CCDC146: variants seen among roughly 807,000 people sequenced by gnomAD.
CCDC146 encodes coiled-coil domain-containing protein 146.
In CCDC146, 92 loss-of-function variants were observed where a neutral mutation model predicts 119.3. The ratio of observed to expected loss-of-function variants is 0.77; its 90% CI spans 0.65 to 0.92. CCDC146 has a LOEUF of 0.92. Among genes scored for constraint, CCDC146 ranks in the 40% least tolerant of loss-of-function variants. CCDC146 has a pLI of 0.00. For missense variants in CCDC146, 1,000 were observed against 1,103.0 expected, an observed-to-expected ratio of 0.91 and a Z score of 1.32; for synonymous variants, 372 against 371.8, an observed-to-expected ratio of 1.00 and a Z score of -0.01.
chr7:77,172,336 C>T (rs957319888), intron 2 of CCDC146, among the ~76,000 whole-genome samples: 2 of 152,212 alleles, frequency 1.3e-5, no homozygotes, highest in African/African-American at 4.8e-5. Flanking sequence ...CCTACTTTGT[C>T]TTCCTTCAGT....
At chr7:77,131,151 G>A (rs1394443452) in intron 1 of CCDC146, among the ~76,000 whole-genome samples, 1 of 151,964 alleles carries the variant, frequency 6.6e-6, no homozygotes, top group Non-Finnish European at 1.5e-5. Context: ...CCAAGGCTGG[G>A]ATTACAGGCA....
At position 77,213,025 on chromosome 7, in the gene CCDC146, GT is replaced by G. The variant is rs1792219160; in HGVS notation, c.157-23917del. Among the ~76,000 whole-genome samples, 3 of 139,952 alleles carry G rather than the reference GT, an allele frequency of 2.1e-5. No individual in the cohort carries two copies. In the South Asian group the frequency reaches 6.6e-4, roughly 31 times the overall value. The allele number at this position is 139,952 out of a possible 152,430, so 91.8% of individuals were successfully genotyped here. ...AACTTTGTTTTTTGTTGTTGTTCAA[GT>G]TTTTATTAAATTTTTTATTGTCACA... On this transcript the variant is annotated intron_variant, in intron 2 of 18. Coordinates refer to ENST00000285871, the MANE Select transcript of CCDC146 (RefSeq NM_020879.3).
intron 2 of CCDC146, among the ~76,000 whole-genome samples, chr7:77,230,749 T>C (rs1237386553): frequency 6.6e-6 from 1 of 152,230 alleles, no homozygotes; most frequent in Non-Finnish European, 1.5e-5. Flanking sequence ...AGCTCCTGAA[T>C]ATGTTTTCAT....
intron 4 of CCDC146, among the ~76,000 whole-genome samples, chr7:77,247,381 A>G (rs1350640101): frequency 2.6e-5 from 4 of 152,248 alleles, no homozygotes; most frequent in African/African-American, 9.6e-5. Context: ...CAACCGAAAG[A>G]TAGTAGCACA....
At chr7:77,189,777 T>C (rs1791731731) in intron 2 of CCDC146, among the ~76,000 whole-genome samples, 1 of 152,184 alleles carries the variant, frequency 6.6e-6, no homozygotes, top group South Asian at 2.1e-4. Context: ...CACCTAATGT[T>C]CCCTTTGTTT....
At position 77,279,049 on chromosome 7, in the gene CCDC146, A is replaced by G. The variant is rs756531109; in HGVS notation, c.1642A>G (p.Met548Val). Reference sequence around the variant, plus strand: ...AAATGAAATAAAAGAAAGGCATAAAATGTCATTAAATGAACTTGAAATTCT... The same window carrying G: ...AAATGAAATAAAAGAAAGGCATAAAGTGTCATTAAATGAACTTGAAATTCT... ...KVNEIKERHK[M>V]SLNELEILRN... Residue 548 changes from methionine to valine, a missense_variant, in exon 13 of 19, where the codon ATG (methionine) becomes GTG (valine). Met to Val is a conservative substitution (Grantham distance 21). Coordinates refer to ENST00000285871, the MANE Select transcript of CCDC146 (RefSeq NM_020879.3). The G allele has an allele frequency of 6.2e-7, 1 of 1,608,120 alleles. No individual in the cohort carries two copies. Among genetic ancestry groups the G allele is most frequent in the East Asian group, 2.2e-5 (1 of 44,814 alleles).
rs191729640 is a variant in CCDC146, at chr7:77,222,817, C to T, written c.157-14130C>T. On this transcript the variant is annotated intron_variant, in intron 2 of 18. Transcript: ENST00000285871. ...CCACTCCAGGCCTTTACAGATGCAC[C>T]GGTGGTGGAGCCTCTGCCTAGGAAG... Among the ~76,000 whole-genome samples, 12 of 152,296 alleles carry T rather than the reference C, an allele frequency of 7.9e-5. No homozygotes were observed. In the East Asian group the frequency reaches 1.2e-3, roughly 15 times the overall value.
intron 15 of CCDC146, among the ~76,000 whole-genome samples, chr7:77,283,002 A>C (rs1367806381): frequency 6.6e-6 from 1 of 152,072 alleles, no homozygotes; most frequent in Non-Finnish European, 1.5e-5. Context: ...CTTATGAAGC[A>C]TTTTCTGCTT....
At chr7:77,247,868 A>G (rs1389502593) in intron 4 of CCDC146, among the ~76,000 whole-genome samples, 1 of 152,202 alleles carries the variant, frequency 6.6e-6, no homozygotes, top group Non-Finnish European at 1.5e-5. Context: ...TCTATGGAAA[A>G]CAGCATGGAT....
intron 1 of CCDC146, among the ~76,000 whole-genome samples, chr7:77,153,162 G>T (rs1183047226): frequency 2.0e-5 from 3 of 152,160 alleles, no homozygotes. Flanking sequence ...GTGGAAGAAG[G>T]GAGGAACCTG....
chr7:77,169,412 CT>C (rs1791384268), intron 2 of CCDC146, among the ~76,000 whole-genome samples: 1 of 152,206 alleles, frequency 6.6e-6, no homozygotes, highest in Non-Finnish European at 1.5e-5. Context: ...TACTCTGAGA[CT>C]ATGTGGTTGT....
At chr7:77,215,288 A>G (rs1264814913) in intron 2 of CCDC146, among the ~76,000 whole-genome samples, 1 of 150,176 alleles carries the variant, frequency 6.7e-6, no homozygotes, top group Non-Finnish European at 1.5e-5. Context: ...CTCCTGGCCC[A>G]TTTTTTGGGT....
At position 77,122,622 on chromosome 7, in the gene CCDC146, A is replaced by G. The variant is rs137910302; in HGVS notation, c.-122A>G. 1.9e-5 allele frequency: 4 copies of G among 213,418 alleles called. No homozygotes were observed. Among genetic ancestry groups the G allele is most frequent in the Non-Finnish European group, 2.9e-5 (3 of 102,250 alleles). 13.2% of individuals were successfully genotyped at this position (213,418 alleles called of 1,614,324 possible). A position where few individuals can be genotyped will look rare whatever the true frequency, so the allele number is the denominator to read the frequency against. On this transcript the variant is annotated 5_prime_UTR_variant, in exon 1 of 19. Coordinates refer to ENST00000285871, the MANE Select transcript of CCDC146 (RefSeq NM_020879.3). The stretch of plus-strand genomic sequence containing the variant: ...AAGCTGCATGGTCACCTTGGATACC[A>G]AGGACGCGACTTCTTGTTTGGAGAG...
chr7:77,290,282 T>C (rs914651570), intron 17 of CCDC146, among the ~76,000 whole-genome samples: 1 of 151,186 alleles, frequency 6.6e-6, no homozygotes, highest in Non-Finnish European at 1.5e-5. Context: ...ATGTAAATGA[T>C]GAGTTAATGG....
chr7:77,269,646 TTTATA>T (rs1452418166), intron 9 of CCDC146, among the ~76,000 whole-genome samples: 2 of 152,252 alleles, frequency 1.3e-5, no homozygotes, highest in African/African-American at 2.4e-5. Context: ...ATAAAAGCTA[TTTATA>T]TTATGACACT....
chr7:77,287,658 G>C lies in CCDC146; in HGVS notation c.2415+81G>C, dbSNP rs745347415. Reference sequence around the variant, plus strand: ...TTTTCCACAGACCGACAGATTTATTGAGAGAAGCACTGGAGAGATTAGGCT... The same window carrying C: ...TTTTCCACAGACCGACAGATTTATTCAGAGAAGCACTGGAGAGATTAGGCT... On this transcript the variant is annotated intron_variant, in intron 17 of 18. Transcript: ENST00000285871. 7.6e-5 allele frequency: 112 copies of C among 1,478,970 alleles called. 1 individual carries two copies. In the Admixed American group the frequency reaches 8.8e-4, roughly 12 times the overall value. 91.6% of individuals were successfully genotyped at this position (1,478,970 alleles called of 1,614,324 possible). A position where few individuals can be genotyped will look rare whatever the true frequency, so the allele number is the denominator to read the frequency against.
intron 2 of CCDC146, among the ~76,000 whole-genome samples, chr7:77,211,044 C>T (rs1168024724): frequency 6.6e-6 from 1 of 152,126 alleles, no homozygotes; most frequent in Non-Finnish European, 1.5e-5. Context: ...AGTTTTTAAT[C>T]TTTTAAAATT....
At chr7:77,210,081 G>T (rs754570949) in intron 2 of CCDC146, among the ~76,000 whole-genome samples, 3 of 152,154 alleles carry the variant, frequency 2.0e-5, no homozygotes, top group Non-Finnish European at 4.4e-5. Context: ...CTCACAGCTG[G>T]CTTTAATTTC....
intron 9 of CCDC146, 35 bp from the exon 10 acceptor site, chr7:77,273,659 T>C (rs753990282): frequency 2.0e-6 from 3 of 1,499,038 alleles, no homozygotes; most frequent in Non-Finnish European, 2.8e-6. Context: ...ATTTATTTCT[T>C]ACATAAATGC....
Sources: allele counts gnomAD v4.1 joint callset (sites outside exome capture counted in the v4.1 genomes callset), GRCh38; gene constraint gnomAD v4.1.1; transcripts MANE v1.5; gene names NCBI Gene and HGNC (gene_info 2026-07-23, HGNC 2026-07-21).